Variants in ABTB2 observed in about 807,000 individuals in gnomAD.
ABTB2 encodes the protein ankyrin repeat and BTB domain containing 2.
ABTB2 carries 56 observed loss-of-function variants against 104.1 expected under a neutral mutation model. That is an observed-to-expected ratio of 0.54 (90% CI 0.43 to 0.67). The LOEUF (loss-of-function observed/expected upper bound fraction) is 0.67. Among genes scored for constraint, ABTB2 ranks in the 30% least tolerant of loss-of-function variants. The pLI, the probability that ABTB2 is intolerant of heterozygous loss-of-function variation, is 0.00. For synonymous variants in ABTB2, 606 were observed against 608.2 expected (o/e 1.00, Z 0.05); for missense variants, 1,279 against 1,407.7 (o/e 0.91, Z 1.46).
intron 7 of ABTB2, among the ~76,000 whole-genome samples, chr11:34,166,071 C>CATT (rs1852796752): frequency 1.3e-5 from 2 of 152,254 alleles, no homozygotes; most frequent in African/African-American, 4.8e-5. Context: ...GTGGGGCCTG[C>CATT]ATTACTCCAA....
intron 1 of ABTB2, among the ~76,000 whole-genome samples, chr11:34,328,290 T>G (rs1022718972): frequency 1.3e-5 from 2 of 152,174 alleles, no homozygotes; most frequent in African/African-American, 4.8e-5. Context: ...GAGTACTTGC[T>G]TTTTTGACTG....
In ABTB2 at chr11:34,357,711, T is replaced by G; in HGVS notation, c.-128A>C. 1 of 1,102,194 alleles carries G rather than the reference T, an allele frequency of 9.1e-7. No individual in the cohort carries two copies. The highest frequency in any genetic ancestry group is 3.2e-4 in the Middle Eastern group (1 of 3,096). 68.3% of individuals were successfully genotyped at this position (1,102,194 alleles called of 1,614,324 possible). ...CTCCTTCCTCTCTGCGTCGCGGGGC[T>G]CGGCGGCCGCATTGCCTGCCCGGAG... On this transcript the variant is annotated 5_prime_UTR_variant, in exon 1 of 17. Transcript: ENST00000435224.
At chr11:34,242,522 T>C (rs1853932266) in intron 1 of ABTB2, 2 of 152,232 alleles carry the variant, frequency 1.3e-5, no homozygotes, top group African/African-American at 4.8e-5. Flanking sequence ...CTGAGCTGAG[T>C]GGCTGCTGGA....
At chr11:34,329,513 T>C (rs1418243679) in intron 1 of ABTB2, among the ~76,000 whole-genome samples, 3 of 152,244 alleles carry the variant, frequency 2.0e-5, no homozygotes, top group Admixed American at 6.5e-5. Context: ...CATGTGGTTA[T>C]GGACTACAAT....
intron 1 of ABTB2, among the ~76,000 whole-genome samples, chr11:34,344,937 T>G (rs1382086937): frequency 6.6e-6 from 1 of 152,160 alleles, no homozygotes; most frequent in Non-Finnish European, 1.5e-5. Context: ...GCTCAGACCA[T>G]AGCAACTTGG....
chr11:34,164,742 G>A lies in ABTB2; in HGVS notation c.1932C>T (p.Gly644=), dbSNP rs777418423. Residue 644 remains glycine (G), a synonymous_variant, in exon 9 of 17, where the codon GGC becomes GGT. Coordinates refer to ENST00000435224, the MANE Select transcript of ABTB2 (RefSeq NM_145804.3). ...LLSMLEAHGM[G]SSLHEDMNCF... is the part of the protein sequence containing the mutation. ...AGTTCATGTCCTCGTGGAGGGAGGA[G>A]CCCATGCCGTGGGCCTCCAGCATGC... is the stretch of plus-strand genomic sequence containing the variant. 5.8e-6 allele frequency: 9 copies of A among 1,556,444 alleles called. No homozygotes were observed. Among genetic ancestry groups the A allele is most frequent in the Non-Finnish European group, 7.7e-6 (9 of 1,161,476 alleles).
intron 1 of ABTB2, among the ~76,000 whole-genome samples, chr11:34,276,091 A>G (rs57468061): frequency 0.12 from 18,297 of 152,120 alleles, 1,227 homozygotes; most frequent in African/African-American, 0.18. Context: ...AGGGCTTTGA[A>G]TTGACAACTC....
chr11:34,320,066 T>C (rs964846648), intron 1 of ABTB2, among the ~76,000 whole-genome samples: 8 of 152,274 alleles, frequency 5.3e-5, no homozygotes, highest in Middle Eastern at 3.4e-3. Context: ...AGAGAGCAGG[T>C]GTATTAAAAT....
chr11:34,197,550 CG>C lies in ABTB2; in HGVS notation c.1031-13del. On this transcript the variant is annotated splice_polypyrimidine_tract_variant and intron_variant, in intron 2 of 16. Transcript: ENST00000435224. ...GGAGACCAAGTCACCTGGTGGGGGGCGGGGAGGGCAGAGGGGAGGAAGAGAA... is the reference window on the plus strand; with the variant it reads ...GGAGACCAAGTCACCTGGTGGGGGGCGGGAGGGCAGAGGGGAGGAAGAGAA... 2 of 1,450,758 alleles carry C rather than the reference CG, an allele frequency of 1.4e-6. No individual in the cohort carries two copies. The highest frequency in any genetic ancestry group is 1.9e-6 in the Non-Finnish European group (2 of 1,067,944). 89.9% of individuals were successfully genotyped at this position (1,450,758 alleles called of 1,614,324 possible). A position where few individuals can be genotyped will look rare whatever the true frequency, so the allele number is the denominator to read the frequency against.
chr11:34,244,308 C>A (rs146762885), intron 1 of ABTB2, among the ~76,000 whole-genome samples: 25 of 152,220 alleles, frequency 1.6e-4, no homozygotes, highest in African/African-American at 5.8e-4. Flanking sequence ...CCTTTGAAAA[C>A]TCAAAGTGAA....
intron 1 of ABTB2, among the ~76,000 whole-genome samples, chr11:34,221,963 T>C (rs1853629368): frequency 6.6e-6 from 1 of 152,168 alleles, no homozygotes; most frequent in Non-Finnish European, 1.5e-5. Flanking sequence ...GAGAATAGCT[T>C]GAACCTGGGA....
At chr11:34,330,205 C>G (rs1462291825) in intron 1 of ABTB2, among the ~76,000 whole-genome samples, 1 of 152,172 alleles carries the variant, frequency 6.6e-6, no homozygotes, top group South Asian at 2.1e-4. Context: ...AAAACAAAGC[C>G]CTCTGCCTCT....
At chr11:34,215,619 A>G (rs1853541241) in intron 1 of ABTB2, among the ~76,000 whole-genome samples, 1 of 152,166 alleles carries the variant, frequency 6.6e-6, no homozygotes, top group South Asian at 2.1e-4. Context: ...GCCACTTACT[A>G]GCTGTGTGAC....
chr11:34,303,575 G>GA (rs34186301), intron 1 of ABTB2, among the ~76,000 whole-genome samples: 39,094 of 147,230 alleles, frequency 0.27, 5,897 homozygotes, highest in African/African-American at 0.4. Context: ...TAACTTAAAT[G>GA]AAAAAAAATA....
chr11:34,159,001 T>G (rs1193234262), intron 14 of ABTB2, among the ~76,000 whole-genome samples: 1 of 152,158 alleles, frequency 6.6e-6, no homozygotes, highest in Non-Finnish European at 1.5e-5. Flanking sequence ...TAACAAGGAC[T>G]CACACCCCAG....
chr11:34,263,186 TG>T (rs1854209003), intron 1 of ABTB2, among the ~76,000 whole-genome samples: 1 of 151,874 alleles, frequency 6.6e-6, no homozygotes, highest in Non-Finnish European at 1.5e-5. Flanking sequence ...TGGTGGGGGT[TG>T]GGGGGACACA....
At chr11:34,182,222 A>G (rs887029343) in intron 3 of ABTB2, among the ~76,000 whole-genome samples, 1 of 152,228 alleles carries the variant, frequency 6.6e-6, no homozygotes, top group African/African-American at 2.4e-5. Context: ...GTAGGATAAA[A>G]AACCAACATT....
intron 1 of ABTB2, among the ~76,000 whole-genome samples, chr11:34,239,337 C>A (rs1473079965): frequency 1.3e-5 from 2 of 152,046 alleles, no homozygotes; most frequent in East Asian, 3.9e-4. Context: ...ATGCTGCTGT[C>A]TTTTTTTAAA....
intron 2 of ABTB2, among the ~76,000 whole-genome samples, chr11:34,198,333 G>A (rs1478140372): frequency 6.6e-6 from 1 of 152,134 alleles, no homozygotes; most frequent in Non-Finnish European, 1.5e-5. Context: ...GCTGAGGCAG[G>A]AGAATCGCTT....
Sources: allele counts gnomAD v4.1 joint callset (sites outside exome capture counted in the v4.1 genomes callset), GRCh38; gene constraint gnomAD v4.1.1; transcripts MANE v1.5; gene names NCBI Gene and HGNC (gene_info 2026-07-23, HGNC 2026-07-21).